CDH4: variants seen among roughly 807,000 people sequenced by gnomAD.
The protein encoded by CDH4 is cadherin 4.
In CDH4, 33 loss-of-function variants were observed where a neutral mutation model predicts 86.0. The observed-to-expected ratio is 0.38, with a 90% CI of 0.29 to 0.51. The LOEUF is 0.51. CDH4 is among the 20% of genes least tolerant of loss of function. The probability of loss-of-function intolerance (pLI) is 0.86; values close to 1 mark genes in which losing one functional copy is unlikely to be tolerated. For missense variants in CDH4, 1,114 were observed against 1,307.4 expected, an observed-to-expected ratio of 0.85 and a Z score of 2.28; for synonymous variants, 555 against 549.4, an observed-to-expected ratio of 1.01 and a Z score of -0.14.
At chr20:61,506,282 A>G (rs895853198) in intron 2 of CDH4, among the ~76,000 whole-genome samples, 4 of 152,366 alleles carry the variant, frequency 2.6e-5, no homozygotes, top group Admixed American at 2.6e-4. Flanking sequence ...CTCTGTCCTC[A>G]TTAAAATCCA....
chr20:61,772,916 G>A (rs2088791782), intron 3 of CDH4, 87 bp from the exon 4 acceptor site: 2 of 1,249,518 alleles, frequency 1.6e-6, no homozygotes, highest in Admixed American at 2.2e-5. Flanking sequence ...GTCTCGGGCA[G>A]TACAGATCAT....
At chr20:61,790,560 A>G (rs1269269757) in intron 4 of CDH4, among the ~76,000 whole-genome samples, 3 of 147,784 alleles carry the variant, frequency 2.0e-5, no homozygotes, top group Non-Finnish European at 4.5e-5. Context: ...CCTACCCACC[A>G]TCCATCTATT....
At chr20:61,367,330 ACAGT>A (rs1346646806) in intron 2 of CDH4, among the ~76,000 whole-genome samples, 1 of 152,242 alleles carries the variant, frequency 6.6e-6, no homozygotes, top group African/African-American at 2.4e-5. Context: ...GACACAAGAG[ACAGT>A]CAGTAAATAA....
At chr20:61,338,686 C>T (rs982698676) in intron 2 of CDH4, among the ~76,000 whole-genome samples, 1 of 152,088 alleles carries the variant, frequency 6.6e-6, no homozygotes, top group Non-Finnish European at 1.5e-5. Flanking sequence ...CAAGCACTTG[C>T]CCAATGCAGA....
intron 4 of CDH4, among the ~76,000 whole-genome samples, chr20:61,816,965 G>T (rs558308906): frequency 1.3e-5 from 2 of 152,312 alleles, no homozygotes; most frequent in South Asian, 4.1e-4. Flanking sequence ...TGGGGTAAAA[G>T]GTGCCAGAGA....
intron 2 of CDH4, among the ~76,000 whole-genome samples, chr20:61,663,000 A>G (rs896835330): frequency 2.0e-5 from 3 of 151,974 alleles, no homozygotes; most frequent in Non-Finnish European, 4.4e-5. Flanking sequence ...CCCTCCCCAC[A>G]GGCACTGGCA....
chr20:61,341,843 G>A lies in CDH4; in HGVS notation c.169+86906G>A, dbSNP rs187303803. Among the ~76,000 whole-genome samples the A allele has an allele frequency of 3.5e-3, 537 of 152,280 alleles. 3 individuals carry two copies. The highest frequency in any genetic ancestry group is 0.012 in the African/African-American group (499 of 41,556). On this transcript the variant is annotated intron_variant, in intron 2 of 15. Transcript: ENST00000614565. Reference sequence around the variant, plus strand: ...GTGACAGGCCAGAGACCAAGTGGGCGGGACTTGGAGACGCCCATCCTGCCT... The same window carrying A: ...GTGACAGGCCAGAGACCAAGTGGGCAGGACTTGGAGACGCCCATCCTGCCT...
chr20:61,543,395 G>A (rs927664422), intron 2 of CDH4, among the ~76,000 whole-genome samples: 5 of 152,200 alleles, frequency 3.3e-5, no homozygotes, highest in Admixed American at 6.5e-5. Context: ...TGAAGTTCCC[G>A]TGACTTAGAA....
intron 2 of CDH4, among the ~76,000 whole-genome samples, chr20:61,668,919 G>A (rs1022286827): frequency 2.6e-5 from 4 of 152,212 alleles, no homozygotes; most frequent in African/African-American, 9.6e-5. Context: ...GTTCTCATCA[G>A]AGCACCGTCC....
At chr20:61,599,734 C>A in intron 2 of CDH4, 1 of 943,324 alleles carries the variant, frequency 1.1e-6, no homozygotes, top group Non-Finnish European at 1.3e-6. Context: ...CCCGCTCCTC[C>A]TCCTGACGCG....
At chr20:61,305,979 T>C (rs951378336) in intron 2 of CDH4, among the ~76,000 whole-genome samples, 1 of 152,250 alleles carries the variant, frequency 6.6e-6, no homozygotes, top group Non-Finnish European at 1.5e-5. Context: ...ACCACTTCCG[T>C]TGACCTTTTG....
chr20:61,477,239 G>T, intron 2 of CDH4, among the ~76,000 whole-genome samples: 1 of 152,346 alleles, frequency 6.6e-6, no homozygotes, highest in Non-Finnish European at 1.5e-5. Flanking sequence ...GGCAGGAGGG[G>T]TCCTATGGCC....
intron 7 of CDH4, among the ~76,000 whole-genome samples, chr20:61,890,901 A>C (rs761151623): frequency 5.3e-5 from 8 of 152,142 alleles, no homozygotes; most frequent in Non-Finnish European, 7.4e-5. Context: ...CTCAGTCCTC[A>C]TGGCACTCTG....
At chr20:61,858,005 CTCTGTGTCTGTGTCTGCATCTGTG>C (rs1983108028) in intron 6 of CDH4, among the ~76,000 whole-genome samples, 9 of 141,844 alleles carry the variant, frequency 6.3e-5, no homozygotes, top group South Asian at 2.3e-4. Flanking sequence ...CTCTGTGTGT[CTCTGTGTCTGTGTCTGCATCTGTG>C]TGTGTGTCTG....
intron 2 of CDH4, among the ~76,000 whole-genome samples, chr20:61,460,537 C>T (rs1178330779): frequency 6.6e-6 from 1 of 152,206 alleles, no homozygotes; most frequent in African/African-American, 2.4e-5. Flanking sequence ...TACAAGGGTC[C>T]ATGTTTGGGG....
rs903611715 is a variant in CDH4, at chr20:61,377,769, A to G, written c.169+122832A>G. 9.2e-5 allele frequency among the ~76,000 whole-genome samples: 14 copies of G among 152,222 alleles called. No homozygotes were observed. Among genetic ancestry groups the G allele is most frequent in the African/African-American group, 3.4e-4 (14 of 41,460 alleles). On this transcript the variant is annotated intron_variant, in intron 2 of 15. Coordinates refer to ENST00000614565, the MANE Select transcript of CDH4 (RefSeq NM_001794.5). This position sits in a 1 kb window ranked among gnomAD's most constrained non-coding sequence, Gnocchi z 4.0. ...AAAGGGTACATTCCATCTGTTCCCC[A>G]TCTGGACTCCTTAGGTCGGTCCACT...
intron 6 of CDH4, among the ~76,000 whole-genome samples, chr20:61,863,071 G>A (rs571412347): frequency 4.6e-5 from 7 of 152,318 alleles, no homozygotes; most frequent in African/African-American, 1.7e-4. Flanking sequence ...TGAACAGAAA[G>A]CCAATTATGG....
chr20:61,514,309 C>G (rs1568872309), intron 2 of CDH4, among the ~76,000 whole-genome samples: 1 of 125,360 alleles, frequency 8.0e-6, no homozygotes, highest in African/African-American at 3.8e-5. Flanking sequence ...TCAGTCCGCC[C>G]CCCCCGCCCC....
At chr20:61,609,458 G>C (rs544744603) in intron 2 of CDH4, among the ~76,000 whole-genome samples, 2 of 152,158 alleles carry the variant, frequency 1.3e-5, no homozygotes, top group Non-Finnish European at 2.9e-5. Flanking sequence ...CAGTGTGTGT[G>C]TGTTTGTTTA....
Sources: gnomAD v4.1 joint callset for allele counts (sites outside exome capture counted in the v4.1 genomes callset) on GRCh38, gnomAD v4.1.1 for gene constraint, Gnocchi (gnomAD v3.1) non-coding constraint, MANE v1.5 for transcripts, NCBI Gene and HGNC (gene_info 2026-07-23, HGNC 2026-07-21) for gene names.